Variants in CCNY observed in about 807,000 individuals in gnomAD.
CCNY encodes the protein cyclin-Y.
Under a neutral mutation model 42.8 loss-of-function variants are expected in CCNY, and 19 were observed. The ratio of observed to expected loss-of-function variants is 0.44; its 90% CI spans 0.31 to 0.65. CCNY has a LOEUF of 0.65. CCNY is among the 30% of genes least tolerant of loss of function. CCNY has a pLI of 0.07. For missense variants in CCNY, 370 were observed against 437.3 expected, an observed-to-expected ratio of 0.85 and a Z score of 1.37; for synonymous variants, 165 against 162.7, an observed-to-expected ratio of 1.01 and a Z score of -0.11.
chr10:35,348,758 A>G (rs1487978522), intron 1 of CCNY, among the ~76,000 whole-genome samples: 1 of 152,158 alleles, frequency 6.6e-6, no homozygotes, highest in Non-Finnish European at 1.5e-5. Context: ...TGTGCCCTGG[A>G]GAATGGTTCG....
chr10:35,474,741 T>C (rs1419925397), intron 1 of CCNY, among the ~76,000 whole-genome samples: 1 of 152,010 alleles, frequency 6.6e-6, no homozygotes, highest in Non-Finnish European at 1.5e-5. Context: ...TCAGAGCGCC[T>C]CTCCTCCTCC....
At chr10:35,540,624 T>C (rs548639240) in intron 7 of CCNY, among the ~76,000 whole-genome samples, 5 of 152,230 alleles carry the variant, frequency 3.3e-5, no homozygotes, top group Non-Finnish European at 5.9e-5. Flanking sequence ...TTTGGTAGAA[T>C]TTATCACTGA....
At chr10:35,251,501 A>C (rs2095712037) in intron 3 of CCNY, among the ~76,000 whole-genome samples, 2 of 152,036 alleles carry the variant, frequency 1.3e-5, no homozygotes, top group Non-Finnish European at 2.9e-5. Flanking sequence ...AAGTAACATG[A>C]CTGCAGATAA....
chr10:35,505,241 C>T (rs377402123), intron 3 of CCNY, among the ~76,000 whole-genome samples: 4 of 145,920 alleles, frequency 2.7e-5, no homozygotes, highest in East Asian at 4.0e-4. Flanking sequence ...CTGGTGATAG[C>T]ACACCAAAAA....
chr10:35,340,877 G>A (rs1330798832), intron 1 of CCNY, among the ~76,000 whole-genome samples: 2 of 152,020 alleles, frequency 1.3e-5, no homozygotes, highest in African/African-American at 2.4e-5. Context: ...ATCATATCTG[G>A]TAGGAAAATG....
chr10:35,564,954 G>A (rs2135464222), intron 8 of CCNY, among the ~76,000 whole-genome samples: 1 of 152,300 alleles, frequency 6.6e-6, no homozygotes, highest in East Asian at 1.9e-4. Flanking sequence ...GCAAGGACAG[G>A]AGGTTTCCTG....
chr10:35,452,039 G>C (rs1162874896), intron 1 of CCNY, among the ~76,000 whole-genome samples: 1 of 152,114 alleles, frequency 6.6e-6, no homozygotes, highest in African/African-American at 2.4e-5. Flanking sequence ...TGTATGCCAA[G>C]GTCAGACTAA....
chr10:35,416,499 A>G (rs990457283), intron 1 of CCNY, among the ~76,000 whole-genome samples: 5 of 152,182 alleles, frequency 3.3e-5, no homozygotes, highest in Non-Finnish European at 7.3e-5. Flanking sequence ...AATTTTGGAA[A>G]GGGGCATAAA....
At chr10:35,342,876 T>C (rs1836213900) in intron 1 of CCNY, among the ~76,000 whole-genome samples, 1 of 152,118 alleles carries the variant, frequency 6.6e-6, no homozygotes, top group Non-Finnish European at 1.5e-5. Context: ...GAATGATCCG[T>C]GTCTAGAATC....
chr10:35,309,215 G>T (rs2135083414), intron 3 of CCNY, among the ~76,000 whole-genome samples: 1 of 152,260 alleles, frequency 6.6e-6, no homozygotes, highest in East Asian at 1.9e-4. Context: ...GGTTTGGATG[G>T]TTACAGGAAA....
intron 7 of CCNY, among the ~76,000 whole-genome samples, chr10:35,543,001 G>A (rs868151395): frequency 1.8e-4 from 28 of 152,296 alleles, no homozygotes; most frequent in Admixed American, 3.3e-4. Context: ...ATTCATCTTA[G>A]CGCACATCAC....
chr10:35,529,861 C>T (rs1250906820), intron 5 of CCNY, 112 bp from the exon 6 acceptor site: 6 of 1,000,560 alleles, frequency 6.0e-6, no homozygotes, highest in African/African-American at 1.7e-5. Context: ...CAGAGTGAGA[C>T]TCCGTATCCC....
chr10:35,335,071 C>T (rs1325359615), upstream of CCNY, among the ~76,000 whole-genome samples: 1 of 140,684 alleles, frequency 7.1e-6, no homozygotes, highest in Non-Finnish European at 1.5e-5. Context: ...CCCCCACCCC[C>T]CCACCCCACA....
chr10:35,423,339 G>A (rs986115906), intron 1 of CCNY, among the ~76,000 whole-genome samples: 1 of 152,024 alleles, frequency 6.6e-6, no homozygotes, highest in Non-Finnish European at 1.5e-5. Flanking sequence ...GCTGGGCATG[G>A]TGACGCGCAC....
At chr10:35,389,246 C>T (rs532565573) in intron 1 of CCNY, among the ~76,000 whole-genome samples, 1 of 152,092 alleles carries the variant, frequency 6.6e-6, no homozygotes, top group East Asian at 1.9e-4. Flanking sequence ...ACTACTACTG[C>T]TACTACTACT....
chr10:35,558,826 C>T (rs1841410273), intron 8 of CCNY, among the ~76,000 whole-genome samples: 1 of 152,172 alleles, frequency 6.6e-6, no homozygotes, highest in Non-Finnish European at 1.5e-5. Flanking sequence ...AAATAAATTT[C>T]TGTTGTTGAA....
upstream of CCNY, among the ~76,000 whole-genome samples, chr10:35,334,220 G>A (rs892064895): frequency 6.6e-6 from 1 of 152,170 alleles, no homozygotes; most frequent in Non-Finnish European, 1.5e-5. Flanking sequence ...TAGTGCCACT[G>A]TCTCTTTCTC....
At chr10:35,472,539 C>G (rs1839410963) in intron 1 of CCNY, among the ~76,000 whole-genome samples, 2 of 152,116 alleles carry the variant, frequency 1.3e-5, no homozygotes, top group Non-Finnish European at 2.9e-5. Flanking sequence ...ACTTCTGTAT[C>G]CTCAGTACCT....
chr10:35,401,869 T>A lies in CCNY; in HGVS notation c.154+64662T>A, dbSNP rs1192102522. Among the ~76,000 whole-genome samples the A allele has an allele frequency of 2.6e-5, 4 of 152,156 alleles. No individual in the cohort carries two copies. In the East Asian group the frequency reaches 7.7e-4, roughly 29 times the overall value. ...GGAGATTACAAAGTACATTGATCAGTAGGGCAGAAACAAATCACAGTGGTA... is the reference window on the plus strand; with the variant it reads ...GGAGATTACAAAGTACATTGATCAGAAGGGCAGAAACAAATCACAGTGGTA... On this transcript the variant is annotated intron_variant, in intron 1 of 9. Transcript: ENST00000374704.
Sources: allele counts gnomAD v4.1 joint callset (sites outside exome capture counted in the v4.1 genomes callset), GRCh38; gene constraint gnomAD v4.1.1; transcripts MANE v1.5; gene names NCBI Gene and HGNC (gene_info 2026-07-23, HGNC 2026-07-21).